SPOCK1: variants seen among roughly 807,000 people sequenced by gnomAD.
SPOCK1 encodes testican-1.
In SPOCK1, 23 loss-of-function variants were observed where a neutral mutation model predicts 55.3. The observed-to-expected ratio is 0.42, with a 90% CI of 0.30 to 0.59. The LOEUF (loss-of-function observed/expected upper bound fraction) is 0.59, where lower values mean the gene tolerates loss of function less well. Among genes scored for constraint, SPOCK1 ranks in the 20% least tolerant of loss-of-function variants. SPOCK1 has a pLI of 0.22. For missense variants in SPOCK1, 499 were observed against 552.5 expected, an observed-to-expected ratio of 0.90 and a Z score of 0.97; for synonymous variants, 226 against 221.0, an observed-to-expected ratio of 1.02 and a Z score of -0.20.
chr5:137,467,938 T>G (rs1041680772), intron 2 of SPOCK1, among the ~76,000 whole-genome samples: 2 of 152,216 alleles, frequency 1.3e-5, no homozygotes, highest in Non-Finnish European at 2.9e-5. Flanking sequence ...TTAGGTTGGA[T>G]CTACAAACAA....
intron 2 of SPOCK1, among the ~76,000 whole-genome samples, chr5:137,317,379 G>A (rs1056653092): frequency 3.3e-5 from 5 of 151,892 alleles, no homozygotes; most frequent in African/African-American, 1.2e-4. Flanking sequence ...CCAACCTTCA[G>A]GGACTTCAGG....
At chr5:137,419,078 T>A (rs1451873208) in intron 2 of SPOCK1, among the ~76,000 whole-genome samples, 2 of 152,230 alleles carry the variant, frequency 1.3e-5, no homozygotes, top group African/African-American at 2.4e-5. Flanking sequence ...CATTGCTTGT[T>A]TTTGTCAAGT....
At chr5:137,107,442 G>T (rs1753390310) in intron 5 of SPOCK1, among the ~76,000 whole-genome samples, 1 of 152,218 alleles carries the variant, frequency 6.6e-6, no homozygotes, top group Non-Finnish European at 1.5e-5. Flanking sequence ...CAAACCAGCT[G>T]CACTGTTGGC....
intron 5 of SPOCK1, among the ~76,000 whole-genome samples, chr5:137,076,501 G>A (rs1256969539): frequency 1.3e-5 from 2 of 149,384 alleles, no homozygotes; most frequent in Non-Finnish European, 2.9e-5. Flanking sequence ...AGTGTACTCA[G>A]AACACTCACA....
intron 5 of SPOCK1, among the ~76,000 whole-genome samples, chr5:137,070,670 G>T (rs1752595027): frequency 6.6e-6 from 1 of 152,110 alleles, no homozygotes; most frequent in African/African-American, 2.4e-5. Flanking sequence ...ACGCCTCTTT[G>T]AGCTCCACAT....
chr5:137,272,408 G>A (rs1756981769), intron 2 of SPOCK1, among the ~76,000 whole-genome samples: 2 of 152,114 alleles, frequency 1.3e-5, no homozygotes, highest in Non-Finnish European at 2.9e-5. Context: ...GTAATTTTGT[G>A]TGCAATGGAA....
At chr5:137,052,390 G>T (rs533642509) in intron 6 of SPOCK1, among the ~76,000 whole-genome samples, 1 of 152,206 alleles carries the variant, frequency 6.6e-6, no homozygotes, top group Non-Finnish European at 1.5e-5. Context: ...AAAAATTATA[G>T]TATCCAAAAA....
chr5:137,347,703 C>G (rs886961740), intron 2 of SPOCK1, among the ~76,000 whole-genome samples: 2 of 151,836 alleles, frequency 1.3e-5, no homozygotes, highest in African/African-American at 4.8e-5. Flanking sequence ...GGCAACAGGG[C>G]AAGACTCCAT....
At position 136,979,484 on chromosome 5, in the gene SPOCK1, G is replaced by T. The variant is rs1289136347; in HGVS notation, c.992-15C>A. 11 of 1,605,640 alleles carry T rather than the reference G, an allele frequency of 6.9e-6. No individual in the cohort carries two copies. Among genetic ancestry groups the T allele is most frequent in the Non-Finnish European group, 9.3e-6 (11 of 1,177,250 alleles). ...TATGAAGGCCCCTGGGGGAACAAAA[G>T]GTGCAACTTTAATCAGAGACATGCA... On this transcript the variant is annotated splice_polypyrimidine_tract_variant and intron_variant, in intron 9 of 10. Transcript: ENST00000394945.
intron 5 of SPOCK1, among the ~76,000 whole-genome samples, chr5:137,099,905 C>G (rs1753228356): frequency 6.6e-6 from 1 of 152,146 alleles, no homozygotes; most frequent in South Asian, 2.1e-4. Context: ...TACCTCCCCA[C>G]CCCCCGGAGT....
chr5:137,337,003 G>A (rs1427800490), intron 2 of SPOCK1, among the ~76,000 whole-genome samples: 1 of 152,214 alleles, frequency 6.6e-6, no homozygotes, highest in African/African-American at 2.4e-5. Flanking sequence ...GCAAAGACCA[G>A]TGACACTGTC....
intron 3 of SPOCK1, among the ~76,000 whole-genome samples, chr5:137,231,652 G>T (rs989091962): frequency 1.3e-5 from 2 of 152,196 alleles, no homozygotes; most frequent in Admixed American, 1.3e-4. Flanking sequence ...AAGGCCCTCT[G>T]GCCTGATTCC....
At chr5:137,418,249 G>A (rs1410288664) in intron 2 of SPOCK1, among the ~76,000 whole-genome samples, 1 of 152,088 alleles carries the variant, frequency 6.6e-6, no homozygotes, top group African/African-American at 2.4e-5. Flanking sequence ...ATTGTGAATA[G>A]TGCCGCAATA....
rs140484457 is a variant in SPOCK1 at position 137,108,555 on chromosome 5, C to T, written c.474+3880G>A. Among the ~76,000 whole-genome samples the T allele has an allele frequency of 2.9e-3, 441 of 152,230 alleles. 3 individuals carry two copies. Among genetic ancestry groups the T allele is most frequent in the Non-Finnish European group, 2.7e-3 (185 of 68,012 alleles). On this transcript the variant is annotated intron_variant, in intron 5 of 10. Transcript: ENST00000394945. Reference sequence around the variant, plus strand: ...AGATACCCAGGCAGGAGACCATGGGCGTAAAACTCCCACTATCCTTGTCTT... The same window carrying T: ...AGATACCCAGGCAGGAGACCATGGGTGTAAAACTCCCACTATCCTTGTCTT...
rs538947464 is a variant in SPOCK1, at chr5:137,163,815, T to C, written c.233-23121A>G. On this transcript the variant is annotated intron_variant, in intron 3 of 10. Coordinates refer to ENST00000394945, the MANE Select transcript of SPOCK1 (RefSeq NM_004598.4). ...CAGCTACTTCAGGACAACATGTGAC[T>C]CTCAATTTCCCTGTTCCTTTACCAA... 2.4e-4 allele frequency among the ~76,000 whole-genome samples: 36 copies of C among 152,320 alleles called. 2 individuals are homozygous for C. Among genetic ancestry groups the C allele is most frequent in the Admixed American group, 2.2e-3 (34 of 15,300 alleles).
chr5:137,083,854 C>T (rs1752915418), intron 5 of SPOCK1, among the ~76,000 whole-genome samples: 1 of 151,856 alleles, frequency 6.6e-6, no homozygotes, highest in Non-Finnish European at 1.5e-5. Flanking sequence ...CAGGAGTGAG[C>T]TACAATGCAG....
At chr5:137,411,379 A>C (rs1452404614) in intron 2 of SPOCK1, among the ~76,000 whole-genome samples, 1 of 152,150 alleles carries the variant, frequency 6.6e-6, no homozygotes, top group African/African-American at 2.4e-5. Flanking sequence ...AAACACCTGA[A>C]GAAGGGGAGA....
intron 4 of SPOCK1, 91 bp downstream of exon 4, chr5:137,140,489 C>A: frequency 9.5e-7 from 1 of 1,051,882 alleles, no homozygotes; most frequent in Admixed American, 2.4e-5. Flanking sequence ...GCTCTCCCCT[C>A]CCCATATCCC....
At chr5:137,016,376 T>C (rs536792071) in intron 6 of SPOCK1, among the ~76,000 whole-genome samples, 4 of 152,344 alleles carry the variant, frequency 2.6e-5, no homozygotes, top group Admixed American at 1.3e-4. Flanking sequence ...CGGACATCCA[T>C]AGAACACTCA....
Sources: allele counts gnomAD v4.1 joint callset (sites outside exome capture counted in the v4.1 genomes callset), GRCh38; gene constraint gnomAD v4.1.1; transcripts MANE v1.5; gene names NCBI Gene and HGNC (gene_info 2026-07-23, HGNC 2026-07-21).